DGLUCY: variants seen among roughly 807,000 people sequenced by gnomAD.
DGLUCY encodes D-glutamate cyclase, mitochondrial.
A neutral mutation model predicts 58.5 loss-of-function variants in DGLUCY; 58 were observed. The ratio of observed to expected loss-of-function variants is 0.99; its 90% CI spans 0.80 to 1.23. The LOEUF (loss-of-function observed/expected upper bound fraction) is 1.23, where lower values mean the gene tolerates loss of function less well. Ranked by LOEUF, DGLUCY falls within the 50% of genes most tolerant of loss-of-function variation. The pLI, the probability that DGLUCY is intolerant of heterozygous loss-of-function variation, is 0.00. For missense variants in DGLUCY, 779 were observed against 784.7 expected (o/e 0.99, Z 0.09); for synonymous variants, 325 against 314.1 (o/e 1.03, Z -0.37).
chr14:91,163,539 A>G (rs1391559004), intron 3 of DGLUCY, among the ~76,000 whole-genome samples: 1 of 152,152 alleles, frequency 6.6e-6, no homozygotes, highest in Non-Finnish European at 1.5e-5. Context: ...CTGCGATTTG[A>G]GCAGGAGCTG....
intron 1 of DGLUCY, among the ~76,000 whole-genome samples, chr14:91,139,234 G>A (rs1331046416): frequency 6.6e-6 from 1 of 152,156 alleles, no homozygotes; most frequent in Non-Finnish European, 1.5e-5. Flanking sequence ...AGTCAGCCAG[G>A]CAGAGAGCAA....
chr14:91,164,316 G>A (rs2048157296), intron 3 of DGLUCY, among the ~76,000 whole-genome samples: 1 of 152,190 alleles, frequency 6.6e-6, no homozygotes. Context: ...AAAGCACAGA[G>A]AAGCAAATGA....
intron 9 of DGLUCY, among the ~76,000 whole-genome samples, chr14:91,190,519 G>C (rs111473109): frequency 6.6e-6 from 1 of 152,126 alleles, no homozygotes; most frequent in East Asian, 1.9e-4. Flanking sequence ...GAATGGCCAG[G>C]AAGACCTCCT....
Position 91,176,082 on chromosome 14 carries a change from C to T in DGLUCY, c.730+26C>T, listed in dbSNP as rs201939538. The T allele has an allele frequency of 7.9e-5, 127 of 1,612,394 alleles. No individual in the cohort carries two copies. In the African/African-American group the frequency reaches 1.6e-3, roughly 20 times the overall value. The stretch of plus-strand genomic sequence containing the variant: ...GTACGTTGGGGGATAATGGGACAAT[C>T]GATCTGCCCTAGGATGGAGCCCAGT... On this transcript the variant is annotated intron_variant, in intron 7 of 13. Transcript: ENST00000256324.
intron 1 of DGLUCY, among the ~76,000 whole-genome samples, chr14:91,094,715 C>T (rs751106637): frequency 9.2e-5 from 14 of 151,354 alleles, no homozygotes; most frequent in Admixed American, 2.0e-4. Flanking sequence ...CCCAGCTACT[C>T]GGGAGGCTGA....
intron 1 of DGLUCY, among the ~76,000 whole-genome samples, chr14:91,069,799 CT>C (rs5810528): frequency 0.011 from 1,287 of 120,974 alleles, 14 homozygotes; most frequent in African/African-American, 0.024. Context: ...TGATATGCCT[CT>C]TTTTTTTTTT....
At chr14:91,066,677 A>G (rs1228501617) in intron 1 of DGLUCY, among the ~76,000 whole-genome samples, 1 of 152,226 alleles carries the variant, frequency 6.6e-6, no homozygotes, top group Non-Finnish European at 1.5e-5. Context: ...AACAGGAAGC[A>G]GGAAGTAAAT....
intron 1 of DGLUCY, among the ~76,000 whole-genome samples, chr14:91,149,995 C>T (rs1271587668): frequency 2.0e-5 from 3 of 151,846 alleles, no homozygotes; most frequent in East Asian, 3.9e-4. Context: ...CCGAGGCGGG[C>T]GTATCACAAG....
At chr14:91,166,801 T>TC (rs2048307954) in intron 3 of DGLUCY, among the ~76,000 whole-genome samples, 1 of 151,732 alleles carries the variant, frequency 6.6e-6, no homozygotes. Flanking sequence ...CCTTGCCACT[T>TC]TAAAAAAATC....
intron 3 of DGLUCY, among the ~76,000 whole-genome samples, chr14:91,161,220 G>A (rs1283422615): frequency 2.0e-5 from 3 of 152,134 alleles, no homozygotes; most frequent in African/African-American, 4.8e-5. Context: ...ACAGGCGCCC[G>A]CCACCATGCC....
chr14:91,211,709 C>CA (rs1231371440), intron 12 of DGLUCY, among the ~76,000 whole-genome samples: 2 of 152,084 alleles, frequency 1.3e-5, no homozygotes, highest in African/African-American at 4.8e-5. Flanking sequence ...TGAACTTAAA[C>CA]ATAAAACACA....
Position 91,189,011 on chromosome 14 carries a change from A to ACTGGAGG in DGLUCY, c.1037_1038insTGGAGGC (p.His347GlyfsTer7). The ACTGGAGG allele has an allele frequency of 1.2e-6, 2 of 1,614,176 alleles. No individual in the cohort carries two copies. Among genetic ancestry groups the ACTGGAGG allele is most frequent in the Admixed American group, 1.7e-5 (1 of 60,010 alleles). On this transcript the variant is annotated frameshift_variant, in exon 9 of 14. Coordinates refer to ENST00000256324, the MANE Select transcript of DGLUCY (RefSeq NM_001102368.3). LOFTEE classifies it high-confidence loss of function. ...AGTGCTCATCACCACTGGGTTCCCCACACATTTCAATCATGAGCCTCCAGA... is the reference window on the plus strand; with the variant it reads ...AGTGCTCATCACCACTGGGTTCCCCACTGGAGGCACATTTCAATCATGAGCCTCCAGA...
intron 9 of DGLUCY, among the ~76,000 whole-genome samples, 155 bp from the exon 10 acceptor site, chr14:91,196,220 T>C: frequency 6.6e-6 from 1 of 152,164 alleles, no homozygotes; most frequent in East Asian, 1.9e-4. Flanking sequence ...AAATATCCTC[T>C]GTGTCATGGC....
chr14:91,073,728 C>T (rs1302063370), intron 1 of DGLUCY, among the ~76,000 whole-genome samples: 2 of 152,104 alleles, frequency 1.3e-5, no homozygotes, highest in Non-Finnish European at 2.9e-5. Context: ...AGAGCCGCTC[C>T]CTTGCCAACA....
chr14:91,133,583 C>T (rs973318656), intron 1 of DGLUCY, among the ~76,000 whole-genome samples: 5 of 151,908 alleles, frequency 3.3e-5, no homozygotes, highest in African/African-American at 1.2e-4. Context: ...GAGATGGGGT[C>T]TTACTATGTT....
chr14:91,124,487 C>T (rs1303796264), intron 1 of DGLUCY, among the ~76,000 whole-genome samples: 6 of 152,210 alleles, frequency 3.9e-5, no homozygotes, highest in Non-Finnish European at 7.3e-5. Context: ...GCAGATTAGG[C>T]TTTCTGTGAA....
intron 1 of DGLUCY, among the ~76,000 whole-genome samples, chr14:91,074,547 A>G (rs1266329731): frequency 1.3e-5 from 2 of 151,976 alleles, no homozygotes; most frequent in East Asian, 1.9e-4. Context: ...TCTGACATCT[A>G]CCTCCCAATT....
chr14:91,188,863 A>G, intron 8 of DGLUCY, 47 bp from the exon 9 acceptor site: 2 of 1,544,428 alleles, frequency 1.3e-6, no homozygotes, highest in Non-Finnish European at 1.7e-6. Flanking sequence ...ACATACAAAT[A>G]ATTTTAAAAA....
intron 9 of DGLUCY, among the ~76,000 whole-genome samples, chr14:91,192,176 T>C (rs2049941837): frequency 6.6e-6 from 1 of 152,142 alleles, no homozygotes; most frequent in East Asian, 1.9e-4. Flanking sequence ...TACTCAGCCT[T>C]AAAAAGGCAG....
Sources: allele counts gnomAD v4.1 joint callset (sites outside exome capture counted in the v4.1 genomes callset), GRCh38; gene constraint gnomAD v4.1.1; transcripts MANE v1.5; gene names NCBI Gene and HGNC (gene_info 2026-07-23, HGNC 2026-07-21).